CAMSAP2: variants seen among roughly 807,000 people sequenced by gnomAD.
CAMSAP2 encodes the protein calmodulin-regulated spectrin-associated protein 2.
CAMSAP2 carries 26 observed loss-of-function variants against 146.1 expected under a neutral mutation model. The ratio of observed to expected loss-of-function variants is 0.18; its 90% CI spans 0.13 to 0.25. The LOEUF (loss-of-function observed/expected upper bound fraction) is 0.25, where lower values mean the gene tolerates loss of function less well. Ranked by LOEUF, CAMSAP2 falls within the 10% of genes least tolerant of loss-of-function variation. The pLI is 1.00. For synonymous variants in CAMSAP2, 499 were observed against 596.6 expected, an observed-to-expected ratio of 0.84 and a Z score of 2.38; for missense variants, 1,381 against 1,759.3, an observed-to-expected ratio of 0.78 and a Z score of 3.85.
chr1:200,739,872 T>A lies in CAMSAP2; in HGVS notation c.45T>A (p.Ile15=). The change falls in exon 1 of 17, where the codon ATT becomes ATA. Residue 15 remains isoleucine, a synonymous_variant. Transcript: ENST00000358823. This position sits in a 1 kb window ranked among gnomAD's most constrained non-coding sequence, Gnocchi z 4.8. The part of the protein sequence containing the change: ...ADPREMRKTF[I]VPAIKPFDHY... ...CCAGGGAGATGAGAAAGACGTTCAT[T>A]GTTCCAGCCATCAAGCCTTTTGACC... The A allele has an allele frequency of 1.2e-6, 2 of 1,614,116 alleles. No individual in the cohort carries two copies.
chr1:200,857,974 G>T lies in CAMSAP2; in HGVS notation c.4352G>T (p.Ser1451Ile). 6.2e-7 allele frequency: 1 copy of T among 1,613,808 alleles called. No individual in the cohort carries two copies. The highest frequency in any genetic ancestry group is 8.5e-7 in the Non-Finnish European group (1 of 1,179,806). ...SHIPAKTLSA[S>I]VDAITIHSHL... is the part of the protein sequence containing the mutation. Reference sequence around the variant, plus strand: ...ATACCCGCTAAAACTTTATCTGCCAGTGTTGATGCAATTACCATTCATAGC... The same window carrying T: ...ATACCCGCTAAAACTTTATCTGCCATTGTTGATGCAATTACCATTCATAGC... Residue 1451 changes from serine (S) to isoleucine (I), a missense_variant, in exon 17 of 17, where the codon AGT (serine) becomes ATT (isoleucine). Around this residue, in one of 4 missense-constraint regions of CAMSAP2, gnomAD observed 90 missense variants for 174.4 expected, o/e 0.52. Transcript: ENST00000358823. This position sits in a 1 kb window ranked among gnomAD's most constrained non-coding sequence, Gnocchi z 4.7.
intron 2 of CAMSAP2, among the ~76,000 whole-genome samples, chr1:200,798,674 A>G (rs1182152157): frequency 2.8e-5 from 4 of 140,880 alleles, no homozygotes; most frequent in Admixed American, 2.2e-4. Context: ...TCTCCTGCCT[A>G]ATTGCCCTGG....
intron 2 of CAMSAP2, among the ~76,000 whole-genome samples, chr1:200,771,163 A>G (rs1031211490): frequency 6.6e-6 from 1 of 152,224 alleles, no homozygotes; most frequent in Non-Finnish European, 1.5e-5. Flanking sequence ...TAGGAATAGA[A>G]GGGAGAAAAG....
At chr1:200,821,935 C>T (rs142556723) in intron 4 of CAMSAP2, among the ~76,000 whole-genome samples, 1 of 152,126 alleles carries the variant, frequency 6.6e-6, no homozygotes, top group Non-Finnish European at 1.5e-5. Flanking sequence ...CCTATAAAGA[C>T]TTGGATTGGT....
chr1:200,802,016 T>C (rs1440513673), intron 2 of CAMSAP2, among the ~76,000 whole-genome samples: 2 of 152,220 alleles, frequency 1.3e-5, no homozygotes, highest in African/African-American at 4.8e-5. Flanking sequence ...GATTTTTATC[T>C]CTGCAGCCTT....
Position 200,847,909 on chromosome 1 carries a change from A to G in CAMSAP2, c.1263-123A>G. The G allele has an allele frequency of 7.2e-6, 6 of 838,404 alleles. No homozygotes were observed. The Middle Eastern group carries it at 1.8e-3, about 250-fold the overall frequency. The allele number at this position is 838,404 out of a possible 1,614,324, so 51.9% of individuals were successfully genotyped here. Reference sequence around the variant, plus strand: ...CTAGATAGCCCTCCCCTTACCTTGAAGACAGTATGATTATGAGAACTGGGG... The same window carrying G: ...CTAGATAGCCCTCCCCTTACCTTGAGGACAGTATGATTATGAGAACTGGGG... On this transcript the variant is annotated intron_variant, in intron 10 of 16. Coordinates refer to ENST00000358823, the MANE Select transcript of CAMSAP2 (RefSeq NM_203459.4).
chr1:200,804,328 T>TCAATTTTA (rs1666116150), intron 2 of CAMSAP2, among the ~76,000 whole-genome samples: 1 of 152,192 alleles, frequency 6.6e-6, no homozygotes, highest in South Asian at 2.1e-4. Flanking sequence ...TTTTTTCCAC[T>TCAATTTTA]CAATTTTATA....
rs750553270 is a variant in CAMSAP2, at chr1:200,857,461, T to C, written c.4131+37T>C. On this transcript the variant is annotated intron_variant, in intron 16 of 16. Coordinates refer to ENST00000358823, the MANE Select transcript of CAMSAP2 (RefSeq NM_203459.4). This position sits in a 1 kb window ranked among gnomAD's most constrained non-coding sequence, Gnocchi z 4.7. ...TGCATGAAAATTAAATTTGGCAAAC[T>C]GTAGAAGTCTTTTATCCATTCAAGA... 5.8e-6 allele frequency: 8 copies of C among 1,386,182 alleles called. No homozygotes were observed. Among genetic ancestry groups the C allele is most frequent in the Non-Finnish European group, 8.2e-6 (8 of 973,454 alleles). 85.9% of individuals were successfully genotyped at this position (1,386,182 alleles called of 1,614,324 possible).
intron 2 of CAMSAP2, among the ~76,000 whole-genome samples, chr1:200,796,040 C>G (rs1405697926): frequency 6.6e-6 from 1 of 152,186 alleles, no homozygotes; most frequent in Admixed American, 6.5e-5. Context: ...GATTTTGAAA[C>G]TCTTCAGAGA....
intron 2 of CAMSAP2, among the ~76,000 whole-genome samples, chr1:200,804,749 T>A (rs962510530): frequency 3.9e-5 from 6 of 152,228 alleles, no homozygotes; most frequent in African/African-American, 1.2e-4. Context: ...AGAACTGGGA[T>A]AGTTGGACAG....
Position 200,860,196 on chromosome 1 carries a change from G to A in CAMSAP2, c.*2137G>A, listed in dbSNP as rs919664226. 7.9e-5 allele frequency: 12 copies of A among 152,568 alleles called. No individual in the cohort carries two copies. Among genetic ancestry groups the A allele is most frequent in the Non-Finnish European group, 7.4e-5 (5 of 67,972 alleles). The allele number at this position is 152,568 out of a possible 1,614,324, so 9.5% of individuals were successfully genotyped here. A position where few individuals can be genotyped will look rare whatever the true frequency, so the allele number is the denominator to read the frequency against. Reference sequence around the variant, plus strand: ...AAGGAATATGGATATATTTCTTTAAGTCTGCAGATTTTTTTATTATGGTGC... The same window carrying A: ...AAGGAATATGGATATATTTCTTTAAATCTGCAGATTTTTTTATTATGGTGC... On this transcript the variant is annotated 3_prime_UTR_variant, in exon 17 of 17. Coordinates refer to ENST00000358823, the MANE Select transcript of CAMSAP2 (RefSeq NM_203459.4).
intron 1 of CAMSAP2, 89 bp downstream of exon 1, chr1:200,740,055 C>T: frequency 7.0e-7 from 1 of 1,426,388 alleles, no homozygotes; most frequent in Non-Finnish European, 9.8e-7. Flanking sequence ...CCCTCCCTCC[C>T]CGTGCCTGTC....
chr1:200,741,459 C>T (rs1463436351), intron 1 of CAMSAP2, among the ~76,000 whole-genome samples: 5 of 152,076 alleles, frequency 3.3e-5, no homozygotes, highest in African/African-American at 4.8e-5. Flanking sequence ...ACACTGAAGC[C>T]GGTATCTATT....
chr1:200,759,336 A>G (rs1177289726), intron 1 of CAMSAP2, among the ~76,000 whole-genome samples: 3 of 148,456 alleles, frequency 2.0e-5, no homozygotes, highest in East Asian at 2.0e-4. Context: ...CTGGAGTGCA[A>G]TGGCGCGATC....
intron 3 of CAMSAP2, among the ~76,000 whole-genome samples, chr1:200,815,171 TAAC>T (rs781712195): frequency 5.9e-5 from 9 of 152,168 alleles, no homozygotes; most frequent in East Asian, 3.8e-4. Flanking sequence ...TATTTATTGA[TAAC>T]AACAACATTA....
rs537355353 is a variant in CAMSAP2, at chr1:200,771,803, A to AG, written c.399+10706dup. ...GTCTTATAGAAGCAGTGCCCTAGGG[A>AG]GAAATCTGTGAGCTCCTGCTGCTGA... is the stretch of plus-strand genomic sequence containing the variant. On this transcript the variant is annotated intron_variant, in intron 2 of 16. Transcript: ENST00000358823. Among the ~76,000 whole-genome samples the AG allele has an allele frequency of 1.0e-3, 155 of 152,298 alleles. 1 individual carries two copies. The highest frequency in any genetic ancestry group is 3.7e-3 in the African/African-American group (152 of 41,564).
At chr1:200,796,226 C>T (rs1468957894) in intron 2 of CAMSAP2, among the ~76,000 whole-genome samples, 2 of 152,098 alleles carry the variant, frequency 1.3e-5, no homozygotes, top group East Asian at 3.8e-4. Flanking sequence ...TAGGTTACTA[C>T]TTAACTATTT....
At chr1:200,798,979 T>A (rs1558182419) in intron 2 of CAMSAP2, among the ~76,000 whole-genome samples, 1 of 152,176 alleles carries the variant, frequency 6.6e-6, no homozygotes, top group Non-Finnish European at 1.5e-5. Context: ...TTTATTGATT[T>A]GCGTATATTG....
At chr1:200,827,033 T>G (rs561519965) in intron 4 of CAMSAP2, among the ~76,000 whole-genome samples, 1 of 152,226 alleles carries the variant, frequency 6.6e-6, no homozygotes, top group Non-Finnish European at 1.5e-5. Flanking sequence ...ACTTATGCTA[T>G]GTATTTGAGC....
Sources: gnomAD v4.1 joint callset for allele counts (sites outside exome capture counted in the v4.1 genomes callset) on GRCh38, gnomAD v4.1.1 for gene constraint, gnomAD v4.1.1 regional missense constraint, Gnocchi (gnomAD v3.1) non-coding constraint, MANE v1.5 for transcripts, NCBI Gene and HGNC (gene_info 2026-07-23, HGNC 2026-07-21) for gene names.